Variants in AUTS2 observed in about 807,000 individuals in gnomAD.
AUTS2 encodes the protein autism susceptibility gene 2 protein.
Under a neutral mutation model 112.4 loss-of-function variants are expected in AUTS2, and 17 were observed. The observed-to-expected ratio is 0.15, with a 90% CI of 0.10 to 0.23. AUTS2 has a LOEUF of 0.23. Ranked by LOEUF, AUTS2 falls within the 10% of genes least tolerant of loss-of-function variation. The pLI is 1.00. For missense variants in AUTS2, 1,510 were observed against 1,701.6 expected (o/e 0.89, Z 1.98); for synonymous variants, 751 against 702.7 (o/e 1.07, Z -1.09).
chr7:70,304,394 G>A (rs1789389853), intron 4 of AUTS2, among the ~76,000 whole-genome samples: 1 of 152,182 alleles, frequency 6.6e-6, no homozygotes, highest in Non-Finnish European at 1.5e-5. Flanking sequence ...ATCTCTTCGT[G>A]TGACTCAAAG....
chr7:69,897,547 C>T (rs941005688), intron 1 of AUTS2, among the ~76,000 whole-genome samples: 1 of 150,380 alleles, frequency 6.6e-6, no homozygotes, highest in African/African-American at 2.5e-5. Context: ...CCCCCATCTC[C>T]TGGCCAACAT....
intron 2 of AUTS2, among the ~76,000 whole-genome samples, chr7:70,117,108 TTTTTTTTTGTTTTTTTTTGTTTTTTTTTG>T (rs1805402876): frequency 8.8e-6 from 1 of 113,696 alleles, no homozygotes; most frequent in African/African-American, 3.7e-5. Flanking sequence ...ACTTTTGTTT[TTTTTTTTTGTTTTTTTTTGTTTTTTTTTG>T]TTTTTTTTTT....
rs147017118 is a variant in AUTS2 at position 70,330,663 on chromosome 7, AG to A, written c.661-105088del. ...GATCAGCTTTTGCATTTCTGCAAAA[AG>A]ATCACTAGAATTTTGATAGAGATTG... is the stretch of plus-strand genomic sequence containing the variant. On this transcript the variant is annotated intron_variant, in intron 4 of 18. Transcript: ENST00000342771. 3.1e-3 allele frequency among the ~76,000 whole-genome samples: 470 copies of A among 152,328 alleles called. 2 individuals carry two copies. The highest frequency in any genetic ancestry group is 0.01 in the African/African-American group (434 of 41,586).
At chr7:70,132,820 A>G (rs1260201491) in intron 3 of AUTS2, among the ~76,000 whole-genome samples, 3 of 152,150 alleles carry the variant, frequency 2.0e-5, no homozygotes, top group Non-Finnish European at 4.4e-5. Flanking sequence ...GATAAAATAC[A>G]TTTGCAGGAA....
chr7:69,883,277 A>G (rs1367735929), intron 1 of AUTS2, among the ~76,000 whole-genome samples: 1 of 149,112 alleles, frequency 6.7e-6, no homozygotes, highest in Non-Finnish European at 1.5e-5. Flanking sequence ...TGGAGCATAG[A>G]GTTCCTTTTT....
At chr7:70,516,118 T>C (rs1388113979) in intron 5 of AUTS2, among the ~76,000 whole-genome samples, 1 of 152,240 alleles carries the variant, frequency 6.6e-6, no homozygotes, top group African/African-American at 2.4e-5. Context: ...GATGATTGAA[T>C]GTAACTGATT....
At chr7:69,909,902 GATT>G (rs1306595696) in intron 2 of AUTS2, among the ~76,000 whole-genome samples, 7 of 152,146 alleles carry the variant, frequency 4.6e-5, no homozygotes, top group Non-Finnish European at 1.0e-4. Context: ...ATATGAGAAA[GATT>G]ATTAATAATG....
chr7:69,871,961 T>G (rs941615699), intron 1 of AUTS2, among the ~76,000 whole-genome samples: 9 of 152,222 alleles, frequency 5.9e-5, no homozygotes, highest in African/African-American at 2.2e-4. Context: ...AGTTCTATGT[T>G]ACTGGGACAT....
chr7:70,281,731 C>T (rs1032575271), intron 4 of AUTS2, among the ~76,000 whole-genome samples: 3 of 151,922 alleles, frequency 2.0e-5, no homozygotes, highest in African/African-American at 7.3e-5. Context: ...AGTAATGTTT[C>T]AGATCTACAT....
At chr7:70,684,585 G>A (rs13236398) in intron 5 of AUTS2, among the ~76,000 whole-genome samples, 33,686 of 150,448 alleles carry the variant, frequency 0.22, 4,548 homozygotes, top group Non-Finnish European at 0.3. Context: ...ATGGTGTGGC[G>A]TGGCATGTTG....
At chr7:70,296,031 G>A (rs896980160) in intron 4 of AUTS2, among the ~76,000 whole-genome samples, 3 of 151,892 alleles carry the variant, frequency 2.0e-5, no homozygotes, top group Non-Finnish European at 4.4e-5. Context: ...CCTTTCCTTC[G>A]TAATGACTAC....
intron 4 of AUTS2, among the ~76,000 whole-genome samples, chr7:70,425,806 G>A (rs1795410717): frequency 1.3e-5 from 2 of 152,130 alleles, no homozygotes; most frequent in Non-Finnish European, 2.9e-5. Context: ...GCTCATGTAT[G>A]CTTTTTAAAA....
intron 1 of AUTS2, among the ~76,000 whole-genome samples, chr7:69,868,446 T>C (rs888064379): frequency 6.6e-6 from 1 of 152,204 alleles, no homozygotes; most frequent in Non-Finnish European, 1.5e-5. Context: ...ACACAAACAA[T>C]TGGATGATGA....
At chr7:70,368,441 G>A (rs1006794819) in intron 4 of AUTS2, among the ~76,000 whole-genome samples, 2 of 152,136 alleles carry the variant, frequency 1.3e-5, no homozygotes, top group African/African-American at 4.8e-5. Context: ...CTATTTTCCT[G>A]GGTAATAGAA....
chr7:70,355,883 G>C (rs562905037), intron 4 of AUTS2, among the ~76,000 whole-genome samples: 1 of 152,244 alleles, frequency 6.6e-6, no homozygotes, highest in East Asian at 1.9e-4. Context: ...CACTGTAATT[G>C]CTTTACATCT....
chr7:70,086,870 A>G (rs1019627627), intron 2 of AUTS2, among the ~76,000 whole-genome samples: 4 of 151,950 alleles, frequency 2.6e-5, no homozygotes, highest in Non-Finnish European at 4.4e-5. Flanking sequence ...GGCTCTTTTT[A>G]AAATTTATTT....
intron 1 of AUTS2, among the ~76,000 whole-genome samples, chr7:69,722,161 A>T (rs575655167): frequency 2.6e-5 from 4 of 152,180 alleles, no homozygotes; most frequent in East Asian, 1.9e-4. Context: ...CAAAAAAAAA[A>T]AAAATAAAAA....
chr7:70,671,696 G>A (rs1807654005), intron 5 of AUTS2, among the ~76,000 whole-genome samples: 1 of 152,196 alleles, frequency 6.6e-6, no homozygotes, highest in Non-Finnish European at 1.5e-5. Flanking sequence ...TGTTCAAAGA[G>A]GTTAATAAAG....
intron 4 of AUTS2, among the ~76,000 whole-genome samples, chr7:70,414,773 G>T (rs915278476): frequency 9.2e-5 from 14 of 152,134 alleles, no homozygotes; most frequent in Admixed American, 4.6e-4. Context: ...ATCTATTTAG[G>T]GGAAAAAATG....
Sources: allele counts gnomAD v4.1 joint callset (sites outside exome capture counted in the v4.1 genomes callset), GRCh38; gene constraint gnomAD v4.1.1; transcripts MANE v1.5; gene names NCBI Gene and HGNC (gene_info 2026-07-23, HGNC 2026-07-21).